SYNE2: variants seen among roughly 807,000 people sequenced by gnomAD.
SYNE2 encodes the protein nesprin-2.
Under a neutral mutation model 856.3 loss-of-function variants are expected in SYNE2, and 431 were observed. That is an observed-to-expected ratio of 0.50 (90% CI 0.47 to 0.55). SYNE2 has a LOEUF of 0.55. Ranked by LOEUF, SYNE2 falls within the 20% of genes least tolerant of loss-of-function variation. The pLI is 0.00. For missense variants in SYNE2, 8,129 were observed against 8,023.2 expected (o/e 1.01, Z -0.50); for synonymous variants, 2,923 against 2,872.3 (o/e 1.02, Z -0.56).
In SYNE2 at chr14:63,832,666, A is replaced by G. The variant is rs542799482; in HGVS notation, c.-304-19835A>G. Among the ~76,000 whole-genome samples the G allele has an allele frequency of 3.3e-5, 5 of 152,204 alleles. No homozygotes were observed. In the South Asian group the frequency reaches 8.3e-4, roughly 25 times the overall value. ...AAGAAGAAATCGTCAGAAGAAAGCCATAATTTTTAATAAGCCAGAGTTTAA... is the reference window on the plus strand; with the variant it reads ...AAGAAGAAATCGTCAGAAGAAAGCCGTAATTTTTAATAAGCCAGAGTTTAA... On this transcript the variant is annotated intron_variant, in intron 1 of 23. Transcript: ENST00000674003.
At chr14:64,046,386 T>A (rs2097186604) in intron 45 of SYNE2, among the ~76,000 whole-genome samples, 1 of 152,220 alleles carries the variant, frequency 6.6e-6, no homozygotes, top group Non-Finnish European at 1.5e-5. Flanking sequence ...TTGAGCAGGG[T>A]CTGTCACCCA....
chr14:63,928,507 G>A (rs940782516), intron 2 of SYNE2, among the ~76,000 whole-genome samples: 1 of 152,160 alleles, frequency 6.6e-6, no homozygotes. Context: ...TTTATGGTTG[G>A]TTGCAAGAAA....
rs772380121 is a variant in SYNE2 at position 63,998,294 on chromosome 14, G to A, written c.3319G>A (p.Asp1107Asn). The stretch of plus-strand genomic sequence containing the variant: ...GCAAGAAGAAAGCATTATGGAAAAG[G>A]ATTACAGTGCATCTATAAATAGTTT... ...PLQEESIMEK[D>N]YSASINSLLE... is the part of the protein sequence containing the mutation. Residue 1107 changes from aspartate (D) to asparagine (N), a missense_variant, in exon 26 of 116, where the codon GAT becomes AAT. This residue lies in a region of SYNE2 where 2,422 missense variants were observed against 2,357.4 expected (regional missense o/e 1.03). Transcript: ENST00000555002. The A allele has an allele frequency of 1.9e-6, 3 of 1,613,522 alleles. No homozygotes were observed. Among genetic ancestry groups the A allele is most frequent in the East Asian group, 2.2e-5 (1 of 44,854 alleles).
intron 1 of SYNE2, among the ~76,000 whole-genome samples, chr14:63,905,026 ATGG>A (rs1471761766): frequency 1.3e-5 from 2 of 152,178 alleles, no homozygotes; most frequent in Admixed American, 6.5e-5. Context: ...TCTTCAGCAT[ATGG>A]CTATACAGTT....
intron 1 of SYNE2, among the ~76,000 whole-genome samples, chr14:63,792,649 ATTTATTTG>A (rs1322651571): frequency 2.8e-5 from 3 of 107,264 alleles, no homozygotes; most frequent in East Asian, 2.4e-4. Flanking sequence ...GGGATGTTTT[ATTTATTTG>A]TTTGTTTGTT....
rs148633974 is a variant in SYNE2, at chr14:63,884,131, A to C, written c.-51-24967A>C. ...GCCCTAAGCTTCTTTTCCCTCCTGG[A>C]GTATCGAGGGTAAGTAAAATGGAGA... On this transcript the variant is annotated intron_variant, in intron 1 of 115. Coordinates refer to ENST00000555002, the MANE Select transcript of SYNE2 (RefSeq NM_182914.3). Among the ~76,000 whole-genome samples the C allele has an allele frequency of 3.2e-3, 485 of 152,202 alleles. 3 individuals carry two copies. The highest frequency in any genetic ancestry group is 0.011 in the African/African-American group (464 of 41,536).
chr14:63,999,114 C>T (rs1278164394), intron 27 of SYNE2, 74 bp downstream of exon 27: 38 of 1,452,330 alleles, frequency 2.6e-5, no homozygotes, highest in African/African-American at 4.2e-5. Context: ...TCTGGACATC[C>T]CCTTTTCTGT....
At chr14:63,910,999 A>G (rs903935476) in intron 2 of SYNE2, among the ~76,000 whole-genome samples, 1 of 152,120 alleles carries the variant, frequency 6.6e-6, no homozygotes, top group Non-Finnish European at 1.5e-5. Flanking sequence ...ATTTCTGTTC[A>G]ATGGCTCCCT....
chr14:63,789,276 A>T (rs7155129), intron 1 of SYNE2, among the ~76,000 whole-genome samples: 96,042 of 151,922 alleles, frequency 0.63, 30,827 homozygotes, highest in South Asian at 0.75. Context: ...CAACTGGGGA[A>T]CTCCCTTCAC....
At chr14:64,217,905 GA>G (rs2098674375) in intron 108 of SYNE2, among the ~76,000 whole-genome samples, 1 of 152,204 alleles carries the variant, frequency 6.6e-6, no homozygotes, top group Admixed American at 6.5e-5. Flanking sequence ...TGCGGTGAAA[GA>G]TAAACACTTG....
chr14:64,145,303 C>T (rs919417559), intron 83 of SYNE2, among the ~76,000 whole-genome samples: 3 of 151,408 alleles, frequency 2.0e-5, no homozygotes, highest in African/African-American at 4.8e-5. Flanking sequence ...TTTGGGAGGC[C>T]GAGGCGGGCA....
chr14:64,140,455 G>C (rs962643938), intron 80 of SYNE2, among the ~76,000 whole-genome samples: 1 of 152,144 alleles, frequency 6.6e-6, no homozygotes, highest in Non-Finnish European at 1.5e-5. Flanking sequence ...GGTGGTGCAT[G>C]CCTGTAATCC....
At chr14:63,865,241 A>G (rs1236201525) in intron 1 of SYNE2, among the ~76,000 whole-genome samples, 1 of 129,100 alleles carries the variant, frequency 7.7e-6, no homozygotes, top group East Asian at 2.1e-4. Flanking sequence ...TCAGAAATGA[A>G]TCATATATGA....
In SYNE2 at chr14:64,119,555, G is replaced by A. The variant is rs752520685; in HGVS notation, c.12969G>A (p.Lys4323=). 7 of 1,614,056 alleles carry A rather than the reference G, an allele frequency of 4.3e-6. No homozygotes were observed. Among genetic ancestry groups the A allele is most frequent in the African/African-American group, 1.3e-5 (1 of 74,912 alleles). Residue 4323 remains lysine, a synonymous_variant, in exon 67 of 116, where the codon AAG becomes AAA. Coordinates refer to ENST00000555002, the MANE Select transcript of SYNE2 (RefSeq NM_182914.3). ...TTTCCCTGAAACTGAAAACAGTGAA[G>A]TGCAATTTAGAAAAAGTCCAGATGA... ...EALSLKLKTV[K]CNLEKVQMML...
intron 1 of SYNE2, among the ~76,000 whole-genome samples, chr14:63,824,583 G>A (rs1044027634): frequency 2.0e-5 from 3 of 151,080 alleles, no homozygotes; most frequent in East Asian, 3.9e-4. Flanking sequence ...AGGTTGCAGT[G>A]AGCTGAGATG....
At chr14:64,079,512 C>T (rs2097501190) in intron 55 of SYNE2, among the ~76,000 whole-genome samples, 1 of 152,098 alleles carries the variant, frequency 6.6e-6, no homozygotes, top group Non-Finnish European at 1.5e-5. Context: ...TTTTCCTAGT[C>T]CTCAAGATAG....
Position 64,098,827 on chromosome 14 carries a change from G to C in SYNE2, c.12381+6G>C. On this transcript the variant is annotated splice_donor_region_variant and intron_variant, in intron 63 of 115. Coordinates refer to ENST00000555002, the MANE Select transcript of SYNE2 (RefSeq NM_182914.3). The stretch of plus-strand genomic sequence containing the variant: ...AAAGTTCCGTGAAGAGCGATGTAAG[G>C]GAAATGATTTTCTTGTTAAAGTTTG... The C allele has an allele frequency of 6.2e-7, 1 of 1,613,636 alleles. No individual in the cohort carries two copies. Among genetic ancestry groups the C allele is most frequent in the Non-Finnish European group, 8.5e-7 (1 of 1,179,848 alleles).
rs1286092334 is a variant in SYNE2, at chr14:63,939,337, T to A, written c.80-1277T>A. ...GTCTTCCCCTTGACTCCTACCTGGA[T>A]TTTTTTTTTCTTTTTTTTTTTTTTT... On this transcript the variant is annotated intron_variant, in intron 2 of 115. Transcript: ENST00000555002. Among the ~76,000 whole-genome samples, 6 of 36,776 alleles carry A rather than the reference T, an allele frequency of 1.6e-4. No individual in the cohort carries two copies. The South Asian group carries it at 6.8e-3, about 42-fold the overall frequency. 24.1% of individuals were successfully genotyped at this position (36,776 alleles called of 152,430 possible).
chr14:64,051,578 G>T lies in SYNE2; in HGVS notation c.7665G>T (p.Thr2555=). ...SLKVGPLDSV[T]YLDKIKKFIA... ...CTAGAGGACCACTGGACAGTGTAAC[G>T]TATCTGGACAAAATTAAAAAATTCA... is the stretch of plus-strand genomic sequence containing the variant. Residue 2555 remains threonine, a synonymous_variant, in exon 48 of 116, where the codon ACG becomes ACT. Coordinates refer to ENST00000555002, the MANE Select transcript of SYNE2 (RefSeq NM_182914.3). 1 of 1,613,256 alleles carries T rather than the reference G, an allele frequency of 6.2e-7. No individual in the cohort carries two copies. The highest frequency in any genetic ancestry group is 1.1e-5 in the South Asian group (1 of 90,958).
Sources: allele counts gnomAD v4.1 joint callset (sites outside exome capture counted in the v4.1 genomes callset), GRCh38; gene constraint gnomAD v4.1.1; regional missense constraint gnomAD v4.1.1; transcripts MANE v1.5; gene names NCBI Gene and HGNC (gene_info 2026-07-23, HGNC 2026-07-21).